HCFC2: variants seen among roughly 807,000 people sequenced by gnomAD.
The protein encoded by HCFC2 is host cell factor C2, also known as host cell factor 2.
Under a neutral mutation model 89.2 loss-of-function variants are expected in HCFC2, and 18 were observed. That is an observed-to-expected ratio of 0.20 (90% CI 0.14 to 0.30). HCFC2 has a LOEUF of 0.30. Among genes scored for constraint, HCFC2 ranks in the 10% least tolerant of loss-of-function variants. The pLI is 1.00. For synonymous variants in HCFC2, 308 were observed against 335.7 expected (o/e 0.92, Z 0.90); for missense variants, 578 against 956.1 (o/e 0.60, Z 5.21).
chr12:104,066,069 C>A, intron 1 of HCFC2, 98 bp from the exon 2 acceptor site: 1 of 1,189,734 alleles, frequency 8.4e-7, no homozygotes, highest in Non-Finnish European at 1.2e-6. Flanking sequence ...AGAATCATCC[C>A]CAGTTGAGAC....
intron 1 of HCFC2, among the ~76,000 whole-genome samples, chr12:104,065,382 G>T (rs11111883): frequency 0.022 from 3,362 of 152,322 alleles, 124 homozygotes; most frequent in African/African-American, 0.077. Flanking sequence ...GTGCCCCTGG[G>T]CAGGGAGCCC....
At chr12:104,093,624 A>C in intron 10 of HCFC2, 61 bp downstream of exon 10, 1 of 1,391,296 alleles carries the variant, frequency 7.2e-7, no homozygotes, top group Non-Finnish European at 9.9e-7. Context: ...TTTAATAGTC[A>C]TTGAAAAAGT....
In HCFC2 at chr12:104,104,665, CTAATT is replaced by C. The variant is rs923352384; in HGVS notation, c.*1396_*1400del. 6.6e-6 allele frequency: 1 copy of C among 151,880 alleles called. No homozygotes were observed. Among genetic ancestry groups the C allele is most frequent in the Non-Finnish European group, 1.5e-5 (1 of 67,840 alleles). The allele number at this position is 151,880 out of a possible 1,614,324, so 9.4% of individuals were successfully genotyped here. ...TTGATATATATGTGTGTTCCAGTTACTAATTTAAAGTGTATAGAATATTTTAATAT... is the reference window on the plus strand; with the variant it reads ...TTGATATATATGTGTGTTCCAGTTACTAAAGTGTATAGAATATTTTAATAT... On this transcript the variant is annotated 3_prime_UTR_variant, in exon 15 of 15. Transcript: ENST00000229330.
intron 3 of HCFC2, among the ~76,000 whole-genome samples, chr12:104,072,887 G>A (rs375048767): frequency 3.3e-5 from 5 of 151,802 alleles, no homozygotes; most frequent in East Asian, 3.9e-4. Context: ...CTCGTGATCC[G>A]CCCACCTCAG....
chr12:104,093,776 A>AT (rs11411208), intron 10 of HCFC2, among the ~76,000 whole-genome samples: 135,144 of 147,570 alleles, frequency 0.92, 61,869 homozygotes, highest in East Asian at 0.99. Flanking sequence ...AAATGAGGCA[A>AT]TTTTTTTTTT....
Position 104,091,447 on chromosome 12 carries a change from G to A in HCFC2, c.1285-1939G>A, listed in dbSNP as rs1357105997. Among the ~76,000 whole-genome samples, 3 of 152,156 alleles carry A rather than the reference G, an allele frequency of 2.0e-5. No homozygotes were observed. The East Asian group carries it at 5.8e-4, about 29-fold the overall frequency. On this transcript the variant is annotated intron_variant, in intron 9 of 14. Coordinates refer to ENST00000229330, the MANE Select transcript of HCFC2 (RefSeq NM_013320.3). ...GAAGGCTCTTAGCTCCAGCTTTTCT[G>A]TCTTACATCTTATCTACTATTTTCT...
intron 9 of HCFC2, chr12:104,090,918 G>A (rs1436767756): frequency 1.3e-5 from 2 of 152,144 alleles, no homozygotes; most frequent in Non-Finnish European, 2.9e-5. Context: ...CTTAACAAGA[G>A]TAAGTGGGCG....
At position 104,064,965 on chromosome 12, in the gene HCFC2, C is replaced by A. The variant is rs375310477; in HGVS notation, c.163+242C>A. On this transcript the variant is annotated intron_variant, in intron 1 of 14. Coordinates refer to ENST00000229330, the MANE Select transcript of HCFC2 (RefSeq NM_013320.3). The surrounding 1 kb of genome is among the most constrained non-coding windows in gnomAD (Gnocchi z 7.3). ...CGAGCGGGGCGCACCGGCCTTCAGGCGGGGGATCCCGGACGCCCCCACCCC... is the reference window on the plus strand; with the variant it reads ...CGAGCGGGGCGCACCGGCCTTCAGGAGGGGGATCCCGGACGCCCCCACCCC... 87 of 371,638 alleles carry A rather than the reference C, an allele frequency of 2.3e-4. No homozygotes were observed. Among genetic ancestry groups the A allele is most frequent in the African/African-American group, 1.7e-3 (80 of 46,950 alleles). The allele number at this position is 371,638 out of a possible 1,614,324, so 23.0% of individuals were successfully genotyped here.
In HCFC2 at chr12:104,068,833, G is replaced by A. The variant is rs915163365; in HGVS notation, c.473+726G>A. Among the ~76,000 whole-genome samples, 2 of 151,532 alleles carry A rather than the reference G, an allele frequency of 1.3e-5. No individual in the cohort carries two copies. Among genetic ancestry groups the A allele is most frequent in the African/African-American group, 4.9e-5 (2 of 41,220 alleles). On this transcript the variant is annotated intron_variant, in intron 3 of 14. Transcript: ENST00000229330. This position sits in a 1 kb window ranked among gnomAD's most constrained non-coding sequence, Gnocchi z 4.1. ...CTGCAAAGAATTCCTCTTTCCTTTG[G>A]GGAACTATACTGTTCCATGTAGTTT...
At chr12:104,069,003 G>A (rs561269825) in intron 3 of HCFC2, among the ~76,000 whole-genome samples, 1 of 151,704 alleles carries the variant, frequency 6.6e-6, no homozygotes, top group Non-Finnish European at 1.5e-5. Flanking sequence ...TTCTGCCTGG[G>A]GCATGAGCAG....
At chr12:104,070,987 T>C (rs1488921872) in intron 3 of HCFC2, among the ~76,000 whole-genome samples, 1 of 151,922 alleles carries the variant, frequency 6.6e-6, no homozygotes, top group African/African-American at 2.4e-5. Flanking sequence ...TTGTGTTTTT[T>C]AGTAGAGACG....
rs376908820 is a variant in HCFC2 at position 104,102,939 on chromosome 12, T to A, written c.2065-20T>A. On this transcript the variant is annotated intron_variant, in intron 14 of 14. Transcript: ENST00000229330. ...GGAAACTTAAGAACCTTTAACCTGT[T>A]TTTTCCCCCCCCCTTCAAGAATGTT... The A allele has an allele frequency of 6.3e-6, 10 of 1,586,550 alleles. No homozygotes were observed. The highest frequency in any genetic ancestry group is 1.7e-4 in the Middle Eastern group (1 of 5,946).
At chr12:104,087,477 A>ATATGTATATG (rs1555286256) in intron 8 of HCFC2, among the ~76,000 whole-genome samples, 1 of 145,156 alleles carries the variant, frequency 6.9e-6, no homozygotes, top group African/African-American at 2.6e-5. Flanking sequence ...ATATATATAT[A>ATATGTATATG]TATATATGTA....
chr12:104,089,374 G>T (rs957649640), intron 9 of HCFC2, among the ~76,000 whole-genome samples: 8 of 152,034 alleles, frequency 5.3e-5, no homozygotes, highest in Non-Finnish European at 1.0e-4. Context: ...AAATTAGCCG[G>T]GCATGGTGGC....
At chr12:104,102,681 T>G (rs1159949856) in intron 14 of HCFC2, among the ~76,000 whole-genome samples, 1 of 152,198 alleles carries the variant, frequency 6.6e-6, no homozygotes, top group African/African-American at 2.4e-5. Flanking sequence ...TAATGTCCTG[T>G]CCCTCCCTAG....
chr12:104,065,390 C>G (rs1240646268), intron 1 of HCFC2, among the ~76,000 whole-genome samples: 1 of 152,220 alleles, frequency 6.6e-6, no homozygotes, highest in Non-Finnish European at 1.5e-5. Flanking sequence ...GGGCAGGGAG[C>G]CCCTATCTTT....
In HCFC2 at chr12:104,106,518, T is replaced by G. The variant is rs2030089178; in HGVS notation, c.*3245T>G. 1 of 152,110 alleles carries G rather than the reference T, an allele frequency of 6.6e-6. No homozygotes were observed. The allele number at this position is 152,110 out of a possible 1,614,324, so 9.4% of individuals were successfully genotyped here. ...GTAAAATAAAGCACCTTTTCTACTA[T>G]AAACAATTACAGGTGTTATTTATTT... On this transcript the variant is annotated 3_prime_UTR_variant, in exon 15 of 15. Coordinates refer to ENST00000229330, the MANE Select transcript of HCFC2 (RefSeq NM_013320.3).
chr12:104,101,241 T>G (rs1057031939), intron 13 of HCFC2, among the ~76,000 whole-genome samples: 10 of 152,214 alleles, frequency 6.6e-5, no homozygotes, highest in African/African-American at 2.4e-4. Flanking sequence ...CCCAGCACTT[T>G]GGGAGGCCGA....
chr12:104,084,596 A>G (rs892294302), intron 7 of HCFC2, among the ~76,000 whole-genome samples: 3 of 152,158 alleles, frequency 2.0e-5, no homozygotes, highest in African/African-American at 4.8e-5. Flanking sequence ...TTTCTAAGTT[A>G]TTTTTAAAGT....
Sources: allele counts gnomAD v4.1 joint callset (sites outside exome capture counted in the v4.1 genomes callset), GRCh38; gene constraint gnomAD v4.1.1; non-coding constraint Gnocchi (gnomAD v3.1); transcripts MANE v1.5; gene names NCBI Gene and HGNC (gene_info 2026-07-23, HGNC 2026-07-21).